ALDH7A1: variants seen among roughly 807,000 people sequenced by gnomAD.
ALDH7A1 encodes the protein alpha-aminoadipic semialdehyde dehydrogenase.
In ALDH7A1, 63 loss-of-function variants were observed where a neutral mutation model predicts 79.9. The observed-to-expected ratio is 0.79, with a 90% confidence interval of 0.64 to 0.97. The LOEUF (loss-of-function observed/expected upper bound fraction) is 0.97, where lower values mean the gene tolerates loss of function less well. Ranked by LOEUF, ALDH7A1 falls within the 50% of genes least tolerant of loss-of-function variation. The pLI, the probability that ALDH7A1 is intolerant of heterozygous loss-of-function variation, is 0.00. For missense variants in ALDH7A1, 627 were observed against 665.2 expected (o/e 0.94, Z 0.63); for synonymous variants, 240 against 231.2 (o/e 1.04, Z -0.34).
Position 126,551,973 on chromosome 5 carries a change from C to G in ALDH7A1, c.1317+48G>C, listed in dbSNP as rs775211464. On this transcript the variant is annotated intron_variant, in intron 14 of 17. Coordinates refer to ENST00000409134, the MANE Select transcript of ALDH7A1 (RefSeq NM_001182.5). Reference sequence around the variant, plus strand: ...AAATTTAATCCACCATCATTTTCCTCTTATCATTTATTTCAACATCAGGCT... The same window carrying G: ...AAATTTAATCCACCATCATTTTCCTGTTATCATTTATTTCAACATCAGGCT... 10 of 1,423,340 alleles carry G rather than the reference C, an allele frequency of 7.0e-6. No individual in the cohort carries two copies. The East Asian group carries it at 2.0e-4, about 29-fold the overall frequency. The allele number at this position is 1,423,340 out of a possible 1,614,324, so 88.2% of individuals were successfully genotyped here.
intron 13 of ALDH7A1, 86 bp from the exon 14 acceptor site, chr5:126,552,223 T>C (rs1367225523): frequency 1.7e-5 from 16 of 965,930 alleles, no homozygotes; most frequent in Non-Finnish European, 2.6e-5. Flanking sequence ...TGCCTACATT[T>C]ATAAAGAAAA....
intron 8 of ALDH7A1, 128 bp downstream of exon 8, chr5:126,570,654 A>G (rs1750739765): frequency 1.1e-6 from 1 of 908,448 alleles, no homozygotes; most frequent in Non-Finnish European, 1.8e-6. Context: ...AAAGTCCATA[A>G]TAATAATGAT....
rs186396915 is a variant in ALDH7A1 at position 126,571,935 on chromosome 5, A to G, written c.696-1076T>C. Among the ~76,000 whole-genome samples the G allele has an allele frequency of 1.4e-3, 211 of 152,312 alleles. 1 individual carries two copies. In the East Asian group the frequency reaches 0.016, roughly 12 times the overall value. On this transcript the variant is annotated intron_variant, in intron 7 of 17. Transcript: ENST00000409134. ...TCCCACCAAACCATGTCGGTCAGAA[A>G]ATATCAGTGCCCTGCAGGCTAAAGA...
Position 126,593,365 on chromosome 5 carries a change from C to T in ALDH7A1, c.232G>A (p.Ala78Thr), listed in dbSNP as rs750569691. The change falls in exon 2 of 18, where the codon GCA (alanine) becomes ACA (threonine). Residue 78 changes from alanine (A) to threonine (T), a missense_variant. Transcript: ENST00000409134. ...TYCPANNEPI[A>T]RVRQASVADY... The stretch of plus-strand genomic sequence containing the variant: ...CACACTCTTACCTGTCGGACTCTTG[C>T]TATTGGCTCGTTGTTAGCAGGGCAA... The T allele has an allele frequency of 5.0e-6, 8 of 1,612,782 alleles. No individual in the cohort carries two copies. In the South Asian group the frequency reaches 8.8e-5, roughly 18 times the overall value.
At chr5:126,583,202 C>A (rs537247730) in intron 4 of ALDH7A1, among the ~76,000 whole-genome samples, 5 of 152,186 alleles carry the variant, frequency 3.3e-5, no homozygotes, top group African/African-American at 1.2e-4. Context: ...AAAGTACAAC[C>A]GGGCACAGTG....
chr5:126,586,551 C>T (rs1445481065), intron 3 of ALDH7A1: 1 of 152,136 alleles, frequency 6.6e-6, no homozygotes, highest in Non-Finnish European at 1.5e-5. Flanking sequence ...AGCTGACAGT[C>T]CATGGGGGTG....
chr5:126,576,346 AAT>A (rs1279656411), intron 6 of ALDH7A1, among the ~76,000 whole-genome samples: 1 of 152,078 alleles, frequency 6.6e-6, no homozygotes, highest in Admixed American at 6.6e-5. Flanking sequence ...AGTCCTCCCA[AAT>A]ATGTCCTATT....
At chr5:126,551,405 C>T (rs184699569) in intron 14 of ALDH7A1, among the ~76,000 whole-genome samples, 58 of 152,016 alleles carry the variant, frequency 3.8e-4, no homozygotes, top group Admixed American at 2.5e-3. Context: ...ACCTCAGCCT[C>T]CTGGGTTCAA....
In ALDH7A1 at chr5:126,577,070, A is replaced by G; in HGVS notation, c.650+9T>C. 3.1e-6 allele frequency: 5 copies of G among 1,613,840 alleles called. No individual in the cohort carries two copies. Among genetic ancestry groups the G allele is most frequent in the Non-Finnish European group, 4.2e-6 (5 of 1,180,036 alleles). ...CTCACTACTAAATAGGAAAGTGAGC[A>G]GGTCTTACCAGAGGCAGACATTTCC... On this transcript the variant is annotated intron_variant, in intron 6 of 17. Transcript: ENST00000409134.
At chr5:126,568,430 A>G in intron 8 of ALDH7A1, 74 bp from the exon 9 acceptor site, 2 of 1,231,082 alleles carry the variant, frequency 1.6e-6, no homozygotes, top group Non-Finnish European at 2.4e-6. Context: ...GGTACCCAGC[A>G]CTGAAGTGCC....
chr5:126,575,557 G>C, intron 6 of ALDH7A1, 93 bp from the exon 7 acceptor site: 1 of 1,160,848 alleles, frequency 8.6e-7, no homozygotes, highest in Non-Finnish European at 1.2e-6. Context: ...AAAAGTGTGA[G>C]AAAAAGCTCT....
chr5:126,582,158 T>C (rs1581394100), intron 5 of ALDH7A1: 1 of 398,538 alleles, frequency 2.5e-6, no homozygotes, highest in Admixed American at 4.4e-5. Flanking sequence ...TCCTACAAAA[T>C]ATAAAAAAGA....
Position 126,554,358 on chromosome 5 carries a change from C to T in ALDH7A1, c.1129G>A (p.Ala377Thr), listed in dbSNP as rs750205677. 2.5e-6 allele frequency: 4 copies of T among 1,614,074 alleles called. No individual in the cohort carries two copies. In the African/African-American group the frequency reaches 5.3e-5, roughly 22 times the overall value. ...VLYGPLHTKQ[A>T]VSMFLGAVEE... ...ACTGCTCCAAGAAACATGCTCACTG[C>T]CTGCTTGGTGTGGAGTGGCCCATAG... Residue 377 changes from alanine to threonine, a missense_variant, in exon 13 of 18, where the codon GCA (alanine) becomes ACA (threonine). Coordinates refer to ENST00000409134, the MANE Select transcript of ALDH7A1 (RefSeq NM_001182.5).
chr5:126,546,708 C>T (rs898670366), intron 16 of ALDH7A1, among the ~76,000 whole-genome samples: 10 of 151,492 alleles, frequency 6.6e-5, no homozygotes, highest in Middle Eastern at 3.5e-3. Flanking sequence ...GTAACCCCAC[C>T]GTGCCCAGCC....
At chr5:126,556,120 TATA>T (rs1406796568) in intron 11 of ALDH7A1, 105 bp from the exon 12 acceptor site, 1 of 605,836 alleles carries the variant, frequency 1.7e-6, no homozygotes, top group East Asian at 3.3e-5. Flanking sequence ...TCTCTAAAAA[TATA>T]AGAAAATCAA....
intron 9 of ALDH7A1, 176 bp downstream of exon 9, chr5:126,568,083 G>T: frequency 1.6e-6 from 1 of 619,718 alleles, no homozygotes; most frequent in Non-Finnish European, 2.8e-6. Flanking sequence ...TTTAAATTTA[G>T]GACTTCCCTA....
chr5:126,558,681 G>A (rs1750290322), intron 11 of ALDH7A1, among the ~76,000 whole-genome samples: 1 of 151,898 alleles, frequency 6.6e-6, no homozygotes, highest in Non-Finnish European at 1.5e-5. Context: ...GAGCCATCAT[G>A]CCTTGCTAAT....
At chr5:126,594,932 T>C in intron 1 of ALDH7A1, 75 bp downstream of exon 1, 1 of 1,535,638 alleles carries the variant, frequency 6.5e-7, no homozygotes, top group African/African-American at 1.4e-5. Flanking sequence ...CAGCGGGGAG[T>C]CGGTAGGTCA....
rs796052260 is a variant in ALDH7A1 at position 126,568,304 on chromosome 5, T to C, written c.826A>G (p.Thr276Ala). ...AGGCCCACCTGTTTTCCCACCTGAG[T>C]GCTCCCAGTGAAGGACAGCAGGTTC... ...RVNLLSFTGS[T>A]QVGKQVGLMV... The change falls in exon 9 of 18, where the codon ACT becomes GCT. Residue 276 changes from threonine to alanine, a missense_variant. Physicochemically the swap from Thr to Ala is moderately conservative, Grantham distance 58. Transcript: ENST00000409134. The C allele has an allele frequency of 2.0e-5, 32 of 1,613,994 alleles. No individual in the cohort carries two copies. The highest frequency in any genetic ancestry group is 5.3e-5 in the African/African-American group (4 of 74,896).
Sources: allele counts gnomAD v4.1 joint callset (sites outside exome capture counted in the v4.1 genomes callset), GRCh38; gene constraint gnomAD v4.1.1; transcripts MANE v1.5; gene names NCBI Gene and HGNC (gene_info 2026-07-23, HGNC 2026-07-21).